ABI1: variants seen among roughly 807,000 people sequenced by gnomAD.
ABI1 encodes the protein abl interactor 1, also known as Abelson interactor 1.
In ABI1, 14 loss-of-function variants were observed where a neutral mutation model predicts 54.6. That is an observed-to-expected ratio of 0.26 (90% confidence interval 0.17 to 0.40). The LOEUF (loss-of-function observed/expected upper bound fraction) is 0.40, where lower values mean the gene tolerates loss of function less well. ABI1 is among the 10% of genes least tolerant of loss of function. The pLI, the probability that ABI1 is intolerant of heterozygous loss-of-function variation, is 1.00. For missense variants in ABI1, 443 were observed against 598.3 expected (o/e 0.74, Z 2.71); for synonymous variants, 194 against 209.3 (o/e 0.93, Z 0.63).
intron 2 of ABI1, among the ~76,000 whole-genome samples, chr10:26,790,173 G>A (rs1843229442): frequency 6.6e-6 from 1 of 152,154 alleles, no homozygotes; most frequent in African/African-American, 2.4e-5. Flanking sequence ...GGGTCAAATG[G>A]TATTTCTGTC....
chr10:26,764,789 G>T, intron 7 of ABI1, among the ~76,000 whole-genome samples: 1 of 152,088 alleles, frequency 6.6e-6, no homozygotes, highest in Admixed American at 6.5e-5. Flanking sequence ...ATTTTATTAG[G>T]TATTACAAGT....
intron 8 of ABI1, among the ~76,000 whole-genome samples, chr10:26,758,791 C>T (rs1288078349): frequency 6.6e-6 from 1 of 152,100 alleles, no homozygotes; most frequent in African/African-American, 2.4e-5. Flanking sequence ...AATAAAATCG[C>T]ATATTAAAGT....
chr10:26,750,781 T>C (rs1837523883), intron 10 of ABI1, among the ~76,000 whole-genome samples: 1 of 152,014 alleles, frequency 6.6e-6, no homozygotes, highest in Non-Finnish European at 1.5e-5. Context: ...GATGAAAAAA[T>C]AAAAACTAGA....
At chr10:26,792,203 C>A (rs577041366) in intron 2 of ABI1, among the ~76,000 whole-genome samples, 2 of 152,076 alleles carry the variant, frequency 1.3e-5, no homozygotes, top group African/African-American at 4.8e-5. Flanking sequence ...TTAGTTTTAA[C>A]GATGGATTCA....
At chr10:26,796,197 A>T (rs948733377) in intron 2 of ABI1, among the ~76,000 whole-genome samples, 1 of 152,172 alleles carries the variant, frequency 6.6e-6, no homozygotes, top group Non-Finnish European at 1.5e-5. Flanking sequence ...AAAGATACAA[A>T]ATAGCAGATA....
intron 1 of ABI1, among the ~76,000 whole-genome samples, chr10:26,832,906 T>C (rs893850910): frequency 6.6e-6 from 1 of 152,130 alleles, no homozygotes; most frequent in Non-Finnish European, 1.5e-5. Context: ...GGCATACATA[T>C]ATGCAATGCC....
intron 1 of ABI1, among the ~76,000 whole-genome samples, chr10:26,826,900 G>A (rs923328520): frequency 6.7e-6 from 1 of 149,736 alleles, no homozygotes; most frequent in Non-Finnish European, 1.5e-5. Context: ...GGAATATTGT[G>A]GCTAGTTTGA....
At chr10:26,790,713 C>T (rs1003980679) in intron 2 of ABI1, 1 of 152,040 alleles carries the variant, frequency 6.6e-6, no homozygotes, top group Non-Finnish European at 1.5e-5. Context: ...TGACATAGTT[C>T]TAGTTAGTCC....
intron 1 of ABI1, among the ~76,000 whole-genome samples, chr10:26,851,338 G>A (rs1198967464): frequency 1.4e-5 from 2 of 138,856 alleles, no homozygotes; most frequent in East Asian, 4.3e-4. Flanking sequence ...TGGGACTACA[G>A]ACTAAGCTAA....
At chr10:26,834,352 C>T (rs718826) in intron 1 of ABI1, among the ~76,000 whole-genome samples, 39,873 of 151,870 alleles carry the variant, frequency 0.26, 6,035 homozygotes, top group South Asian at 0.44. Context: ...CTAAAAAGCT[C>T]CTGCACAAGA....
intron 4 of ABI1, 97 bp from the exon 5 acceptor site, chr10:26,770,442 T>C: frequency 8.4e-7 from 1 of 1,193,420 alleles, no homozygotes; most frequent in African/African-American, 1.5e-5. Context: ...AGAATGTGAA[T>C]TAAGGATTCC....
At chr10:26,796,214 A>G (rs1115707) in intron 2 of ABI1, among the ~76,000 whole-genome samples, 3,261 of 152,306 alleles carry the variant, frequency 0.021, 229 homozygotes, top group East Asian at 0.2. Context: ...GATATTCAGA[A>G]TAAGTTTAGA....
intron 1 of ABI1, among the ~76,000 whole-genome samples, chr10:26,853,529 CTTT>C (rs535088026): frequency 0.029 from 3,827 of 130,728 alleles, 146 homozygotes; most frequent in South Asian, 0.2. Flanking sequence ...TTTTACCTTA[CTTT>C]TTTTTTTTTT....
intron 1 of ABI1, among the ~76,000 whole-genome samples, chr10:26,837,478 A>T (rs935847590): frequency 2.0e-5 from 3 of 152,222 alleles, no homozygotes; most frequent in Non-Finnish European, 2.9e-5. Flanking sequence ...CAACATAAGG[A>T]TGGCAGGGGG....
Position 26,768,998 on chromosome 10 carries a change from G to T in ABI1, c.579-6C>A, listed in dbSNP as rs1354269283. 1.9e-6 allele frequency: 3 copies of T among 1,569,380 alleles called. No homozygotes were observed. The highest frequency in any genetic ancestry group is 2.6e-6 in the Non-Finnish European group (3 of 1,161,896). Reference sequence around the variant, plus strand: ...TTTTATAAGGAGTATTCCGTCTAAAGGAGCATAGTGGAGAAAGGAATAATG... The same window carrying T: ...TTTTATAAGGAGTATTCCGTCTAAATGAGCATAGTGGAGAAAGGAATAATG... On this transcript the variant is annotated splice_region_variant and splice_polypyrimidine_tract_variant and intron_variant, in intron 5 of 10. Coordinates refer to ENST00000376140, the MANE Select transcript of ABI1 (RefSeq NM_001012750.3).
chr10:26,822,684 A>T (rs1267098976), intron 2 of ABI1, among the ~76,000 whole-genome samples: 2 of 152,232 alleles, frequency 1.3e-5, no homozygotes, highest in Non-Finnish European at 2.9e-5. Flanking sequence ...CAGAAACCCT[A>T]AGGACAAGGG....
At chr10:26,760,132 C>T (rs762166004) in intron 7 of ABI1, among the ~76,000 whole-genome samples, 1 of 150,722 alleles carries the variant, frequency 6.6e-6, no homozygotes, top group Non-Finnish European at 1.5e-5. Flanking sequence ...CAGTTAATAT[C>T]GAAACTGATG....
chr10:26,777,597 C>G (rs1046720004), intron 2 of ABI1, among the ~76,000 whole-genome samples: 20 of 151,886 alleles, frequency 1.3e-4, no homozygotes, highest in African/African-American at 4.8e-4. Flanking sequence ...GGCAACATGG[C>G]AAAACCCTGT....
rs1375832167 is a variant in ABI1, at chr10:26,761,661, T to TATATACAC, written c.821-2424_821-2423insGTGTATAT. ...ATATATATATATATATATATATATA[T>TATATACAC]ACACACACACATACACATATATAAC... On this transcript the variant is annotated intron_variant, in intron 7 of 10. Transcript: ENST00000376140. Among the ~76,000 whole-genome samples, 222 of 78,800 alleles carry TATATACAC rather than the reference T, an allele frequency of 2.8e-3. 1 individual carries two copies. The highest frequency in any genetic ancestry group is 5.8e-3 in the African/African-American group (112 of 19,266). 51.7% of individuals were successfully genotyped at this position (78,800 alleles called of 152,430 possible). A position where few individuals can be genotyped will look rare whatever the true frequency, so the allele number is the denominator to read the frequency against.
Sources: allele counts gnomAD v4.1 joint callset (sites outside exome capture counted in the v4.1 genomes callset), GRCh38; gene constraint gnomAD v4.1.1; transcripts MANE v1.5; gene names NCBI Gene and HGNC (gene_info 2026-07-23, HGNC 2026-07-21).